Variants in CACNA1S observed in about 807,000 individuals in gnomAD.
CACNA1S encodes voltage-dependent L-type calcium channel subunit alpha-1S.
Under a neutral mutation model 207.4 loss-of-function variants are expected in CACNA1S, and 126 were observed. That is an observed-to-expected ratio of 0.61 (90% CI 0.53 to 0.70). The LOEUF (loss-of-function observed/expected upper bound fraction) is 0.70, where lower values mean the gene tolerates loss of function less well. Ranked by LOEUF, CACNA1S falls within the 30% of genes least tolerant of loss-of-function variation. The pLI is 0.00. For synonymous variants in CACNA1S, 960 were observed against 932.7 expected (o/e 1.03, Z -0.53); for missense variants, 2,349 against 2,422.8 (o/e 0.97, Z 0.64).
intron 41 of CACNA1S, 133 bp downstream of exon 41, chr1:201,041,370 CA>C (rs1383594882): frequency 5.5e-6 from 4 of 729,438 alleles, no homozygotes; most frequent in African/African-American, 1.7e-5. Flanking sequence ...TTCCAGGGCC[CA>C]GATGACTGCC....
At chr1:201,087,151 G>T (rs1032059125) in intron 7 of CACNA1S, among the ~76,000 whole-genome samples, 4 of 152,120 alleles carry the variant, frequency 2.6e-5, no homozygotes, top group African/African-American at 9.7e-5. Flanking sequence ...CATTAATAAT[G>T]ACCATTAGTA....
chr1:201,082,546 C>T (rs772064923), intron 10 of CACNA1S, among the ~76,000 whole-genome samples: 2 of 152,196 alleles, frequency 1.3e-5, no homozygotes, highest in Non-Finnish European at 1.5e-5. Context: ...CTTTAAGATC[C>T]ACAGAGTTTC....
At chr1:201,088,854 G>A (rs542042908) in intron 6 of CACNA1S, among the ~76,000 whole-genome samples, 2 of 152,286 alleles carry the variant, frequency 1.3e-5, no homozygotes, top group South Asian at 4.1e-4. Context: ...TTATAGGTGA[G>A]GAAACTAATA....
At position 201,066,250 on chromosome 1, in the gene CACNA1S, G is replaced by A; in HGVS notation, c.2724C>T (p.Ile908=). 1 of 1,613,814 alleles carries A rather than the reference G, an allele frequency of 6.2e-7. No homozygotes were observed. The change falls in exon 21 of 44, where the codon ATC becomes ATT. Residue 908 remains isoleucine, a synonymous_variant. Transcript: ENST00000362061. The surrounding 1 kb of genome is among the most constrained non-coding windows in gnomAD (Gnocchi z 4.3). Reference sequence around the variant, plus strand: ...TCACCTTCAACCCCTTGGCTCTGTTGATGGCTCTGAGTGGTCGGAGCACCC... The same window carrying A: ...TCACCTTCAACCCCTTGGCTCTGTTAATGGCTCTGAGTGGTCGGAGCACCC... ...VLRVLRPLRA[I]NRAKGLKHVV... is the part of the protein sequence containing the mutation.
intron 16 of CACNA1S, among the ~76,000 whole-genome samples, chr1:201,071,874 G>GCATT (rs1474872811): frequency 1.3e-5 from 2 of 152,186 alleles, no homozygotes; most frequent in Admixed American, 6.5e-5. Flanking sequence ...ATTCTTTCAT[G>GCATT]CATTCATTCA....
intron 22 of CACNA1S, among the ~76,000 whole-genome samples, chr1:201,062,958 ACCTC>A (rs1350910393): frequency 6.6e-6 from 1 of 151,828 alleles, no homozygotes; most frequent in Non-Finnish European, 1.5e-5. Flanking sequence ...GGGGCTGCCC[ACCTC>A]CCACCTCCAT....
Position 201,050,439 on chromosome 1 carries a change from A to G in CACNA1S, c.4191T>C (p.His1397=), listed in dbSNP as rs763505049. 2.5e-6 allele frequency: 4 copies of G among 1,614,092 alleles called. No individual in the cohort carries two copies. Among genetic ancestry groups the G allele is most frequent in the Non-Finnish European group, 3.4e-6 (4 of 1,179,980 alleles). ...AGATGGCCTTGAACTCATCCAGGTG[A>G]TGAGGGCCCAGGATGGACCAGTCCC... The part of the protein sequence containing the change: ...LTRDWSILGP[H]HLDEFKAIWA... The change falls in exon 34 of 44, where the codon CAT becomes CAC. Residue 1397 remains histidine, a synonymous_variant. Coordinates refer to ENST00000362061, the MANE Select transcript of CACNA1S (RefSeq NM_000069.3).
intron 22 of CACNA1S, among the ~76,000 whole-genome samples, chr1:201,064,460 C>T (rs755831740): frequency 6.6e-5 from 10 of 152,338 alleles, no homozygotes; most frequent in East Asian, 5.8e-4. Context: ...CTGCCCTCAG[C>T]GAGGATTTGG....
In CACNA1S at chr1:201,075,513, G is replaced by T. The variant is rs1286930674; in HGVS notation, c.1930C>A (p.Leu644Ile). The T allele has an allele frequency of 1.2e-6, 2 of 1,612,104 alleles. No individual in the cohort carries two copies. Among genetic ancestry groups the T allele is most frequent in the Admixed American group, 1.7e-5 (1 of 59,788 alleles). ...GMLVCIYFII[L>I]FVCGNYILLN... ...AGGATACAGTTGCCACAGACGAAAAGGATGATGAAGTAAATGCACACAAGC... is the reference window on the plus strand; with the variant it reads ...AGGATACAGTTGCCACAGACGAAAATGATGATGAAGTAAATGCACACAAGC... Residue 644 changes from leucine to isoleucine, a missense_variant, in exon 13 of 44, where the codon CTT becomes ATT. Coordinates refer to ENST00000362061, the MANE Select transcript of CACNA1S (RefSeq NM_000069.3).
At chr1:201,058,262 A>G (rs1572032846) in intron 28 of CACNA1S, 146 bp downstream of exon 28, 2 of 742,460 alleles carry the variant, frequency 2.7e-6, no homozygotes, top group Non-Finnish European at 4.9e-6. Flanking sequence ...TAGTTCCTTG[A>G]GGGCAGAAGC....
chr1:201,096,057 T>C (rs1325221520), intron 2 of CACNA1S, among the ~76,000 whole-genome samples: 1 of 152,196 alleles, frequency 6.6e-6, no homozygotes, highest in African/African-American at 2.4e-5. Context: ...GGACCTGAAA[T>C]AGTTTCAGTG....
chr1:201,053,284 G>C lies in CACNA1S; in HGVS notation c.3796-10C>G. 6.2e-7 allele frequency: 1 copy of C among 1,614,118 alleles called. No individual in the cohort carries two copies. Reference sequence around the variant, plus strand: ...CCACGTAGGGTAGGGCCTGCAGGGCGGGCGGGAGCGCCAGTCAGTGTCTTA... The same window carrying C: ...CCACGTAGGGTAGGGCCTGCAGGGCCGGCGGGAGCGCCAGTCAGTGTCTTA... On this transcript the variant is annotated splice_polypyrimidine_tract_variant and intron_variant, in intron 30 of 43. Coordinates refer to ENST00000362061, the MANE Select transcript of CACNA1S (RefSeq NM_000069.3). This position sits in a 1 kb window ranked among gnomAD's most constrained non-coding sequence, Gnocchi z 5.1.
At chr1:201,060,305 G>A (rs1009921220) in intron 26 of CACNA1S, among the ~76,000 whole-genome samples, 2 of 152,014 alleles carry the variant, frequency 1.3e-5, no homozygotes, top group African/African-American at 4.8e-5. Flanking sequence ...ATTTTTCTTG[G>A]GACCAGAGCC....
intron 3 of CACNA1S, among the ~76,000 whole-genome samples, chr1:201,093,447 G>A (rs1662312335): frequency 6.6e-6 from 1 of 152,200 alleles, no homozygotes; most frequent in Non-Finnish European, 1.5e-5. Flanking sequence ...ATGTTATTAT[G>A]GCAGCCCTAG....
intron 10 of CACNA1S, 145 bp downstream of exon 10, chr1:201,083,017 A>G: frequency 1.2e-6 from 1 of 863,910 alleles, no homozygotes; most frequent in Non-Finnish European, 1.9e-6. Flanking sequence ...CATATAATCC[A>G]GCACTCATGG....
chr1:201,073,970 C>G (rs1558069863), intron 14 of CACNA1S, among the ~76,000 whole-genome samples: 1 of 152,132 alleles, frequency 6.6e-6, no homozygotes, highest in Non-Finnish European at 1.5e-5. Flanking sequence ...CCCAAGATGG[C>G]TCCAACTCTT....
Position 201,085,486 on chromosome 1 carries a change from A to G in CACNA1S, c.1100T>C (p.Met367Thr). 1.2e-6 allele frequency: 2 copies of G among 1,612,356 alleles called. No individual in the cohort carries two copies. Among genetic ancestry groups the G allele is most frequent in the Non-Finnish European group, 8.5e-7 (1 of 1,179,700 alleles). The change falls in exon 8 of 44, where the codon ATG becomes ACG. Residue 367 changes from methionine (M) to threonine (T), a missense_variant. By Grantham distance (81) the Met-to-Thr change is moderately conservative. Transcript: ENST00000362061. Reference protein sequence around the residue: ...QQLDEDLRGYMSWITQGEVMD... With the variant: ...QQLDEDLRGYTSWITQGEVMD... ...GACCTCGCCCTGCGTGATCCAGCTCATGTAGCCCCGAAGGTCCTCATCTAG... is the reference window on the plus strand; with the variant it reads ...GACCTCGCCCTGCGTGATCCAGCTCGTGTAGCCCCGAAGGTCCTCATCTAG...
rs560217689 is a variant in CACNA1S, at chr1:201,043,125, C to T, written c.5048+156G>A. The T allele has an allele frequency of 1.0e-4, 91 of 900,452 alleles. No homozygotes were observed. In the South Asian group the frequency reaches 1.1e-3, roughly 11 times the overall value. 55.8% of individuals were successfully genotyped at this position (900,452 alleles called of 1,614,324 possible). A position where few individuals can be genotyped will look rare whatever the true frequency, so the allele number is the denominator to read the frequency against. Reference sequence around the variant, plus strand: ...CCAAAGAAGCCTCTGCCATCGAGGTCGGCCTCTTACATTAAGGTTCAGGAT... The same window carrying T: ...CCAAAGAAGCCTCTGCCATCGAGGTTGGCCTCTTACATTAAGGTTCAGGAT... On this transcript the variant is annotated intron_variant, in intron 40 of 43. Coordinates refer to ENST00000362061, the MANE Select transcript of CACNA1S (RefSeq NM_000069.3).
intron 21 of CACNA1S, 32 bp from the exon 22 acceptor site, chr1:201,065,977 G>T: frequency 2.0e-6 from 3 of 1,474,184 alleles, no homozygotes; most frequent in East Asian, 4.6e-5. Flanking sequence ...GGGACTGGGG[G>T]TGCACCCACA....
Sources: gnomAD v4.1 joint callset for allele counts (sites outside exome capture counted in the v4.1 genomes callset) on GRCh38, gnomAD v4.1.1 for gene constraint, Gnocchi (gnomAD v3.1) non-coding constraint, MANE v1.5 for transcripts, NCBI Gene and HGNC (gene_info 2026-07-23, HGNC 2026-07-21) for gene names.